Variants in PLA2G4A observed in about 807,000 individuals in gnomAD.
PLA2G4A encodes the protein phospholipase A2 group IVA, also known as cytosolic phospholipase A2.
A neutral mutation model predicts 81.9 loss-of-function variants in PLA2G4A; 40 were observed. The ratio of observed to expected loss-of-function variants is 0.49; its 90% confidence interval spans 0.38 to 0.64. The LOEUF (loss-of-function observed/expected upper bound fraction) is 0.64. Among genes scored for constraint, PLA2G4A ranks in the 30% least tolerant of loss-of-function variants. The pLI, the probability that PLA2G4A is intolerant of heterozygous loss-of-function variation, is 0.00. For synonymous variants in PLA2G4A, 302 were observed against 296.9 expected, an observed-to-expected ratio of 1.02 and a Z score of -0.18; for missense variants, 715 against 905.1, an observed-to-expected ratio of 0.79 and a Z score of 2.69.
intron 17 of PLA2G4A, 100 bp downstream of exon 17, chr1:186,979,572 T>A (rs553236124): frequency 1.2e-6 from 1 of 826,374 alleles, no homozygotes; most frequent in South Asian, 1.5e-5. Context: ...ATAAGTGTTA[T>A]GAATGACACC....
chr1:186,928,129 C>A (rs1210631483), intron 7 of PLA2G4A, among the ~76,000 whole-genome samples: 2 of 152,064 alleles, frequency 1.3e-5, no homozygotes, highest in Non-Finnish European at 2.9e-5. Context: ...AGGAATAAAA[C>A]AGAGCTGGAA....
At chr1:186,976,478 T>C (rs1002458190) in intron 15 of PLA2G4A, among the ~76,000 whole-genome samples, 1 of 152,234 alleles carries the variant, frequency 6.6e-6, no homozygotes, top group East Asian at 1.9e-4. Context: ...TTTTAAGCAC[T>C]GTAAAGTATT....
chr1:186,884,209 G>T (rs921042505), intron 3 of PLA2G4A, among the ~76,000 whole-genome samples: 1 of 150,008 alleles, frequency 6.7e-6, no homozygotes, highest in African/African-American at 2.4e-5. Flanking sequence ...TTTTTAAATT[G>T]TGAGATATAG....
intron 6 of PLA2G4A, among the ~76,000 whole-genome samples, chr1:186,910,883 G>A (rs926334372): frequency 6.6e-6 from 1 of 152,196 alleles, no homozygotes; most frequent in African/African-American, 2.4e-5. Flanking sequence ...GGAGAGATAA[G>A]GGAAGGAATT....
At chr1:186,845,832 A>G (rs1330678846) in intron 1 of PLA2G4A, among the ~76,000 whole-genome samples, 3 of 152,218 alleles carry the variant, frequency 2.0e-5, no homozygotes, top group Non-Finnish European at 4.4e-5. Flanking sequence ...GCCAACAGTT[A>G]CATTGCATCG....
At chr1:186,884,219 G>C (rs560434194) in intron 3 of PLA2G4A, among the ~76,000 whole-genome samples, 4 of 150,374 alleles carry the variant, frequency 2.7e-5, no homozygotes, top group Non-Finnish European at 5.9e-5. Context: ...GTGAGATATA[G>C]GGAAGGAAAA....
intron 7 of PLA2G4A, among the ~76,000 whole-genome samples, chr1:186,914,857 C>A (rs1440977520): frequency 6.6e-6 from 1 of 152,136 alleles, no homozygotes; most frequent in Non-Finnish European, 1.5e-5. Context: ...TTGAGACTCT[C>A]ACTCAATAGT....
chr1:186,856,084 A>G (rs1052377938), intron 2 of PLA2G4A, among the ~76,000 whole-genome samples: 17 of 151,920 alleles, frequency 1.1e-4, no homozygotes, highest in Non-Finnish European at 2.4e-4. Context: ...ACACACACTC[A>G]TGCATGCATG....
chr1:186,974,261 T>A (rs1292335946), intron 15 of PLA2G4A, among the ~76,000 whole-genome samples: 1 of 152,146 alleles, frequency 6.6e-6, no homozygotes, highest in Non-Finnish European at 1.5e-5. Context: ...CTTCAAGTCT[T>A]CTTAGTGGTG....
chr1:186,950,587 T>C (rs1656520380), intron 12 of PLA2G4A, 70 bp from the exon 13 acceptor site: 1 of 842,362 alleles, frequency 1.2e-6, no homozygotes, highest in Non-Finnish European at 2.0e-6. Flanking sequence ...TCAGATTACT[T>C]TTTTATATTA....
intron 2 of PLA2G4A, among the ~76,000 whole-genome samples, chr1:186,862,503 C>T (rs1036252686): frequency 3.3e-5 from 5 of 152,018 alleles, no homozygotes; most frequent in South Asian, 2.1e-4. Flanking sequence ...TGAGCCATCG[C>T]GCCTGGCCTG....
intron 1 of PLA2G4A, among the ~76,000 whole-genome samples, chr1:186,844,555 C>G (rs1182502902): frequency 6.6e-6 from 1 of 152,110 alleles, no homozygotes; most frequent in Admixed American, 6.5e-5. Flanking sequence ...ATCAGTGTTT[C>G]TATTAAAAAT....
rs1652247509 is a variant in PLA2G4A, at chr1:186,848,051, GA to G, written c.-69-6232del. ...ATACAAGGCGTTTGCCTGGTAACATGAAAGAACCTCAGAAAACGAAAACTGG... is the reference window on the plus strand; with the variant it reads ...ATACAAGGCGTTTGCCTGGTAACATGAAGAACCTCAGAAAACGAAAACTGG... On this transcript the variant is annotated intron_variant, in intron 1 of 17. Coordinates refer to ENST00000367466, the MANE Select transcript of PLA2G4A (RefSeq NM_024420.3). 2.0e-5 allele frequency among the ~76,000 whole-genome samples: 3 copies of G among 152,104 alleles called. No homozygotes were observed. In the South Asian group the frequency reaches 6.2e-4, roughly 31 times the overall value.
At chr1:186,829,264 A>G (rs558013449) in intron 1 of PLA2G4A, among the ~76,000 whole-genome samples, 1 of 152,314 alleles carries the variant, frequency 6.6e-6, no homozygotes, top group South Asian at 2.1e-4. Context: ...ATCTAAATGC[A>G]CTGTGGAGTC....
At chr1:186,926,580 G>A (rs1164481461) in intron 7 of PLA2G4A, among the ~76,000 whole-genome samples, 3 of 152,152 alleles carry the variant, frequency 2.0e-5, no homozygotes, top group East Asian at 3.8e-4. Context: ...TGGCCAGTTG[G>A]CCTCCTTAAT....
chr1:186,942,519 A>G (rs964738413), intron 10 of PLA2G4A, among the ~76,000 whole-genome samples: 18 of 152,156 alleles, frequency 1.2e-4, no homozygotes, highest in African/African-American at 4.3e-4. Flanking sequence ...TTCCAGAGCT[A>G]TTAAGGCAAT....
chr1:186,933,212 A>G (rs1221474135), intron 8 of PLA2G4A, among the ~76,000 whole-genome samples: 1 of 152,218 alleles, frequency 6.6e-6, no homozygotes, highest in Admixed American at 6.5e-5. Flanking sequence ...TACTCCACCC[A>G]TAATTAATTT....
chr1:186,977,519 C>T (rs2102295493), intron 15 of PLA2G4A, 74 bp from the exon 16 acceptor site: 1 of 984,512 alleles, frequency 1.0e-6, no homozygotes, highest in Non-Finnish European at 1.6e-6. Flanking sequence ...CTAGTGAACA[C>T]TGAATTATGG....
At chr1:186,843,901 T>C (rs1039893898) in intron 1 of PLA2G4A, among the ~76,000 whole-genome samples, 4 of 152,230 alleles carry the variant, frequency 2.6e-5, no homozygotes, top group Admixed American at 2.6e-4. Context: ...GAAACTCTAG[T>C]AGGTATTTCA....
Sources: gnomAD v4.1 joint callset for allele counts (sites outside exome capture counted in the v4.1 genomes callset) on GRCh38, gnomAD v4.1.1 for gene constraint, MANE v1.5 for transcripts, NCBI Gene and HGNC (gene_info 2026-07-23, HGNC 2026-07-21) for gene names.